Variants in DNAJA2 observed in about 807,000 individuals in gnomAD.
The protein encoded by DNAJA2 is dnaJ homolog subfamily A member 2.
Under a neutral mutation model 49.3 loss-of-function variants are expected in DNAJA2, and 6 were observed. The observed-to-expected ratio is 0.12, with a 90% CI of 0.07 to 0.24. The LOEUF (loss-of-function observed/expected upper bound fraction) is 0.24. Ranked by LOEUF, DNAJA2 falls within the 10% of genes least tolerant of loss-of-function variation. The probability of loss-of-function intolerance (pLI) is 1.00; values close to 1 mark genes in which losing one functional copy is unlikely to be tolerated. For synonymous variants in DNAJA2, 160 were observed against 172.7 expected, an observed-to-expected ratio of 0.93 and a Z score of 0.58; for missense variants, 347 against 516.8, an observed-to-expected ratio of 0.67 and a Z score of 3.19.
rs115579617 is a variant in DNAJA2 at position 46,967,037 on chromosome 16, T to C, written c.577+476A>G. On this transcript the variant is annotated intron_variant, in intron 5 of 8. Coordinates refer to ENST00000317089, the MANE Select transcript of DNAJA2 (RefSeq NM_005880.4). ...TCACTAACACAATACAAATCTACTG[T>C]TTCTCTATGTTCACTGGGCTTAGGC... is the stretch of plus-strand genomic sequence containing the variant. Among the ~76,000 whole-genome samples, 360 of 152,318 alleles carry C rather than the reference T, an allele frequency of 2.4e-3. 1 individual carries two copies. Among genetic ancestry groups the C allele is most frequent in the African/African-American group, 8.3e-3 (347 of 41,574 alleles).
At chr16:46,966,900 T>C (rs74019105) in intron 5 of DNAJA2, among the ~76,000 whole-genome samples, 1 of 152,280 alleles carries the variant, frequency 6.6e-6, no homozygotes, top group African/African-American at 2.4e-5. Flanking sequence ...CCTCCTATGG[T>C]GGTCATTCCT....
At chr16:46,965,787 C>A (rs1011609196) in intron 5 of DNAJA2, among the ~76,000 whole-genome samples, 37 of 148,566 alleles carry the variant, frequency 2.5e-4, no homozygotes, top group African/African-American at 8.8e-4. Flanking sequence ...GCTGAGATCA[C>A]GCAACTGCAC....
chr16:46,958,954 G>T lies in DNAJA2; in HGVS notation c.1047+49C>A, dbSNP rs201579436. On this transcript the variant is annotated intron_variant, in intron 8 of 8. Coordinates refer to ENST00000317089, the MANE Select transcript of DNAJA2 (RefSeq NM_005880.4). ...GACCCTGTCTAAAAAACCAAAAACCGAACTCCAAACTTGGAAGTCAACTGT... is the reference window on the plus strand; with the variant it reads ...GACCCTGTCTAAAAAACCAAAAACCTAACTCCAAACTTGGAAGTCAACTGT... The T allele has an allele frequency of 1.9e-6, 3 of 1,549,376 alleles. No homozygotes were observed. The African/African-American group carries it at 4.1e-5, about 21-fold the overall frequency.
At chr16:46,970,469 G>A (rs191908391) in intron 3 of DNAJA2, among the ~76,000 whole-genome samples, 4 of 152,226 alleles carry the variant, frequency 2.6e-5, no homozygotes, top group Admixed American at 1.3e-4. Flanking sequence ...TAGGCTGGGC[G>A]CAGTGGCTTA....
chr16:46,955,784 A>G lies in DNAJA2; in HGVS notation c.*1245T>C, dbSNP rs1961799721. ...AAAATACCTACTGAGTGAAATGGTA[A>G]AAACCAGATGATGGAAAGAGAAACA... On this transcript the variant is annotated 3_prime_UTR_variant, in exon 9 of 9. Transcript: ENST00000317089. The G allele has an allele frequency of 6.6e-6, 1 of 152,240 alleles. No individual in the cohort carries two copies. The highest frequency in any genetic ancestry group is 2.4e-5 in the African/African-American group (1 of 41,458). 9.4% of individuals were successfully genotyped at this position (152,240 alleles called of 1,614,324 possible).
In DNAJA2 at chr16:46,967,495, A is replaced by G; in HGVS notation, c.577+18T>C. 3 of 1,613,320 alleles carry G rather than the reference A, an allele frequency of 1.9e-6. No individual in the cohort carries two copies. The highest frequency in any genetic ancestry group is 2.5e-6 in the Non-Finnish European group (3 of 1,179,752). On this transcript the variant is annotated intron_variant, in intron 5 of 8. Coordinates refer to ENST00000317089, the MANE Select transcript of DNAJA2 (RefSeq NM_005880.4). ...AATCCATTCCAACATAAAAGCAGAG[A>G]AGTACTGGCACACATACCTTCTCCA...
intron 6 of DNAJA2, among the ~76,000 whole-genome samples, chr16:46,960,852 C>A (rs1961886621): frequency 6.6e-6 from 1 of 151,534 alleles, no homozygotes; most frequent in African/African-American, 2.4e-5. Context: ...TTCAAAACAG[C>A]AACATAGGGA....
chr16:46,971,763 T>C lies in DNAJA2; in HGVS notation c.138+133A>G. ...TAGTACTCTTATTCTAAAACTAAAA[T>C]ACTCTTGACATTATGAAAATGTGGC... On this transcript the variant is annotated intron_variant, in intron 2 of 8. Transcript: ENST00000317089. 3 of 936,698 alleles carry C rather than the reference T, an allele frequency of 3.2e-6. No homozygotes were observed. In the South Asian group the frequency reaches 4.2e-5, roughly 13 times the overall value. 58.0% of individuals were successfully genotyped at this position (936,698 alleles called of 1,614,324 possible). A position where few individuals can be genotyped will look rare whatever the true frequency, so the allele number is the denominator to read the frequency against.
rs904366006 is a variant in DNAJA2, at chr16:46,955,711, T to C, written c.*1318A>G. The C allele has an allele frequency of 1.3e-5, 2 of 152,220 alleles. No homozygotes were observed. Among genetic ancestry groups the C allele is most frequent in the Admixed American group, 6.6e-5 (1 of 15,266 alleles). The allele number at this position is 152,220 out of a possible 1,614,324, so 9.4% of individuals were successfully genotyped here. ...TTTTCCCCATTTGTTCCTTTATAAA[T>C]GTAAAATTGTGCATCTGATGTCTCT... On this transcript the variant is annotated 3_prime_UTR_variant, in exon 9 of 9. Coordinates refer to ENST00000317089, the MANE Select transcript of DNAJA2 (RefSeq NM_005880.4).
chr16:46,960,784 G>GA (rs1166161257), intron 6 of DNAJA2, among the ~76,000 whole-genome samples: 6 of 149,912 alleles, frequency 4.0e-5, no homozygotes, highest in Non-Finnish European at 7.4e-5. Context: ...ATCTCAATAA[G>GA]AAAAAAATAA....
chr16:46,960,842 T>C (rs997463398), intron 6 of DNAJA2, among the ~76,000 whole-genome samples: 1 of 150,126 alleles, frequency 6.7e-6, no homozygotes, highest in Admixed American at 6.7e-5. Flanking sequence ...GGGAGGCCAG[T>C]TCAAAACAGC....
chr16:46,959,284 T>C lies in DNAJA2; in HGVS notation c.910A>G (p.Ile304Val). The change falls in exon 7 of 9, where the codon ATT (isoleucine) becomes GTT (valine). Residue 304 changes from isoleucine to valine, a missense_variant. Transcript: ENST00000317089. Reference protein sequence around the residue: ...IVVKYPPGKVIEPGCVRVVRG... With the variant: ...IVVKYPPGKVVEPGCVRVVRG... ...CAAAATCAAGATTTACCTGGTTCAA[T>C]TACTTTGCCAGGGGGGTATTTCACC... 2 of 1,612,474 alleles carry C rather than the reference T, an allele frequency of 1.2e-6. No individual in the cohort carries two copies. Among genetic ancestry groups the C allele is most frequent in the Non-Finnish European group, 1.7e-6 (2 of 1,179,550 alleles).
At chr16:46,973,348 CCCG>C (rs972724371) in intron 1 of DNAJA2, 144 bp downstream of exon 1, 557 of 592,078 alleles carry the variant, frequency 9.4e-4, no homozygotes, top group Non-Finnish European at 1.1e-3. Flanking sequence ...CGAGGCCGGT[CCCG>C]CCGCCGCCGC....
At chr16:46,957,865 T>C (rs1456473702) in intron 8 of DNAJA2, among the ~76,000 whole-genome samples, 1 of 152,122 alleles carries the variant, frequency 6.6e-6, no homozygotes, top group African/African-American at 2.4e-5. Flanking sequence ...ATGAGGAACC[T>C]GTTCTCTCCA....
Position 46,956,439 on chromosome 16 carries a change from A to T in DNAJA2, c.*590T>A, listed in dbSNP as rs1181094222. On this transcript the variant is annotated 3_prime_UTR_variant, in exon 9 of 9. Transcript: ENST00000317089. ...TTCAGAAACCTTTCACAAGATGGTA[A>T]AAAAAAAAAAAAAGAAAAAAGAAAA... 4.9e-4 allele frequency: 3 copies of T among 6,090 alleles called. No homozygotes were observed. Among genetic ancestry groups the T allele is most frequent in the Non-Finnish European group, 2.6e-3 (1 of 382 alleles). The allele number at this position is 6,090 out of a possible 1,614,324, so 0.4% of individuals were successfully genotyped here. A position where few individuals can be genotyped will look rare whatever the true frequency, so the allele number is the denominator to read the frequency against.
At position 46,971,476 on chromosome 16, in the gene DNAJA2, CGCT is replaced by C; in HGVS notation, c.232_234del (p.Ser78del). 1 of 1,614,006 alleles carries C rather than the reference CGCT, an allele frequency of 6.2e-7. No individual in the cohort carries two copies. On this transcript the variant is annotated inframe_deletion, in exon 3 of 9. Coordinates refer to ENST00000317089, the MANE Select transcript of DNAJA2 (RefSeq NM_005880.4). ...ATATCATCCATGCCACCACCTCCGC[CGCT>C]GCCTTCCCGAAGACCTTGCTCTCCG...
rs1479645246 is a variant in DNAJA2, at chr16:46,971,496, T to C, written c.215A>G (p.Gln72Arg). Residue 72 changes from glutamine (Q) to arginine (R), a missense_variant, in exon 3 of 9, where the codon CAA (glutamine) becomes CGA (arginine). Coordinates refer to ENST00000317089, the MANE Select transcript of DNAJA2 (RefSeq NM_005880.4). ...TCCGCCGCTGCCTTCCCGAAGACCT[T>C]GCTCTCCGTATCTGTCATATAACTC... Reference protein sequence around the residue: ...KRELYDRYGEQGLREGSGGGG... With the variant: ...KRELYDRYGERGLREGSGGGG... 6.2e-7 allele frequency: 1 copy of C among 1,613,806 alleles called. No homozygotes were observed. The highest frequency in any genetic ancestry group is 8.5e-7 in the Non-Finnish European group (1 of 1,179,978).
At chr16:46,961,506 T>C (rs955369170) in intron 6 of DNAJA2, among the ~76,000 whole-genome samples, 5 of 150,242 alleles carry the variant, frequency 3.3e-5, no homozygotes, top group Admixed American at 1.3e-4. Flanking sequence ...CTGGGCAACA[T>C]GATGAAACCC....
At chr16:46,964,944 G>T in intron 5 of DNAJA2, 137 bp from the exon 6 acceptor site, 2 of 718,172 alleles carry the variant, frequency 2.8e-6, no homozygotes, top group Non-Finnish European at 4.3e-6. Flanking sequence ...CTGAGGCCAA[G>T]CACAGTGGCT....
Sources: gnomAD v4.1 joint callset for allele counts (sites outside exome capture counted in the v4.1 genomes callset) on GRCh38, gnomAD v4.1.1 for gene constraint, MANE v1.5 for transcripts, NCBI Gene and HGNC (gene_info 2026-07-23, HGNC 2026-07-21) for gene names.